Variants in PLCB1 observed in about 807,000 individuals in gnomAD.
PLCB1 encodes 1-phosphatidylinositol 4,5-bisphosphate phosphodiesterase beta-1.
In PLCB1, 46 loss-of-function variants were observed where a neutral mutation model predicts 161.8. The ratio of observed to expected loss-of-function variants is 0.28; its 90% CI spans 0.22 to 0.36. The LOEUF is 0.36. Ranked by LOEUF, PLCB1 falls within the 10% of genes least tolerant of loss-of-function variation. The probability of loss-of-function intolerance (pLI) is 1.00; values close to 1 mark genes in which losing one functional copy is unlikely to be tolerated. For synonymous variants in PLCB1, 517 were observed against 503.7 expected (o/e 1.03, Z -0.35); for missense variants, 1,016 against 1,472.5 (o/e 0.69, Z 5.07).
intron 1 of PLCB1, among the ~76,000 whole-genome samples, chr20:8,135,105 C>A (rs1450968552): frequency 2.0e-5 from 3 of 152,110 alleles, no homozygotes; most frequent in African/African-American, 7.2e-5. Flanking sequence ...TTATATTGTA[C>A]CTTAGTGAGA....
chr20:8,457,009 C>A (rs1461120144), intron 3 of PLCB1, among the ~76,000 whole-genome samples: 1 of 152,332 alleles, frequency 6.6e-6, no homozygotes, highest in African/African-American at 2.4e-5. Flanking sequence ...CTGCAAATTT[C>A]TTCATGTCAG....
At chr20:8,498,946 C>T (rs1183024124) in intron 3 of PLCB1, among the ~76,000 whole-genome samples, 2 of 152,122 alleles carry the variant, frequency 1.3e-5, no homozygotes, top group Admixed American at 6.5e-5. Context: ...GTAAAGCAGA[C>T]GTTCTGGCCT....
intron 2 of PLCB1, among the ~76,000 whole-genome samples, chr20:8,358,226 G>T (rs1317273226): frequency 6.7e-6 from 1 of 148,896 alleles, no homozygotes; most frequent in Non-Finnish European, 1.5e-5. Context: ...TACCGTGGTG[G>T]CATGGCCCAT....
intron 25 of PLCB1, among the ~76,000 whole-genome samples, chr20:8,763,240 C>T (rs1307541946): frequency 6.6e-6 from 1 of 152,176 alleles, no homozygotes; most frequent in Non-Finnish European, 1.5e-5. Context: ...CTCACCCTGT[C>T]GCCCAGGCTG....
chr20:8,194,404 T>C (rs6055626), intron 2 of PLCB1, among the ~76,000 whole-genome samples: 4,119 of 152,114 alleles, frequency 0.027, 199 homozygotes, highest in African/African-American at 0.092. Context: ...GTGCACCCTG[T>C]CATTTTTCTT....
intron 3 of PLCB1, among the ~76,000 whole-genome samples, chr20:8,480,073 C>T (rs188769078): frequency 2.6e-5 from 4 of 152,272 alleles, no homozygotes; most frequent in African/African-American, 9.6e-5. Context: ...CAGGAGACTT[C>T]TCCATCTCTA....
chr20:8,506,356 T>A (rs1983637759), intron 3 of PLCB1, among the ~76,000 whole-genome samples: 1 of 152,206 alleles, frequency 6.6e-6, no homozygotes, highest in Non-Finnish European at 1.5e-5. Flanking sequence ...GAAGGTTTTA[T>A]AAGCACCTCA....
At position 8,657,232 on chromosome 20, in the gene PLCB1, T is replaced by G; in HGVS notation, c.643T>G (p.Phe215Val). The part of the protein sequence containing the change: ...EDFTPEVYRV[F>V]LNNLCPRPEI... ...TTTCACTCCAGAAGTGTACAGAGTT[T>G]TCCTCAACAACCTTTGCCCTCGACC... Residue 215 changes from phenylalanine to valine, a missense_variant, in exon 8 of 32, where the codon TTC (phenylalanine) becomes GTC (valine). Coordinates refer to ENST00000338037, the MANE Select transcript of PLCB1 (RefSeq NM_015192.4). 6.2e-7 allele frequency: 1 copy of G among 1,611,146 alleles called. No homozygotes were observed. Among genetic ancestry groups the G allele is most frequent in the Non-Finnish European group, 8.5e-7 (1 of 1,177,508 alleles).
intron 3 of PLCB1, among the ~76,000 whole-genome samples, chr20:8,380,888 G>C (rs1987232414): frequency 6.6e-6 from 1 of 152,090 alleles, no homozygotes; most frequent in South Asian, 2.1e-4. Flanking sequence ...TGTTGCTGCA[G>C]ACAGAGACAA....
chr20:8,536,913 AT>A (rs1424065771), intron 3 of PLCB1, among the ~76,000 whole-genome samples: 4 of 152,222 alleles, frequency 2.6e-5, no homozygotes, highest in Non-Finnish European at 4.4e-5. Context: ...AGCAAAGAAC[AT>A]TTGATTTCCA....
chr20:8,132,988 CCT>C lies in PLCB1; in HGVS notation c.99+239_99+240del, dbSNP rs2051308585. 6.6e-6 allele frequency among the ~76,000 whole-genome samples: 1 copy of C among 152,114 alleles called. No individual in the cohort carries two copies. Among genetic ancestry groups the C allele is most frequent in the Admixed American group, 6.5e-5 (1 of 15,274 alleles). On this transcript the variant is annotated intron_variant, in intron 1 of 31. Transcript: ENST00000338037. The surrounding 1 kb of genome is among the most constrained non-coding windows in gnomAD (Gnocchi z 5.2). The stretch of plus-strand genomic sequence containing the variant: ...TCCTTTCTGGGTCTGGCAGGCGCCC[CCT>C]GAGGGTCTTACATCTTTTGGGCCAG...
At chr20:8,166,938 A>G (rs1005402137) in intron 2 of PLCB1, among the ~76,000 whole-genome samples, 2 of 152,186 alleles carry the variant, frequency 1.3e-5, no homozygotes, top group Non-Finnish European at 2.9e-5. Flanking sequence ...TGTTTTTTAC[A>G]TAGTTATGTA....
At chr20:8,842,942 G>T (rs1029687678) in intron 31 of PLCB1, among the ~76,000 whole-genome samples, 11 of 152,096 alleles carry the variant, frequency 7.2e-5, no homozygotes, top group African/African-American at 2.7e-4. Context: ...CAGAAATTGG[G>T]TATAAGACAA....
intron 3 of PLCB1, among the ~76,000 whole-genome samples, chr20:8,423,004 CACAGAGCAA>C (rs1326072647): frequency 2.0e-5 from 3 of 152,280 alleles, no homozygotes; most frequent in East Asian, 1.9e-4. Flanking sequence ...ATAGTTCTGG[CACAGAGCAA>C]ACACTATATA....
chr20:8,671,922 T>G (rs1208460356), intron 9 of PLCB1, among the ~76,000 whole-genome samples: 2 of 152,234 alleles, frequency 1.3e-5, no homozygotes, highest in Admixed American at 1.3e-4. Context: ...TGTACTCAAC[T>G]GAAAATGGTA....
At chr20:8,764,549 G>T (rs575543719) in intron 25 of PLCB1, among the ~76,000 whole-genome samples, 1 of 152,326 alleles carries the variant, frequency 6.6e-6, no homozygotes, top group Non-Finnish European at 1.5e-5. Flanking sequence ...CTCCTGGCTG[G>T]TGGTGAGGGT....
At chr20:8,151,448 G>C (rs1411557936) in intron 2 of PLCB1, among the ~76,000 whole-genome samples, 1 of 152,120 alleles carries the variant, frequency 6.6e-6, no homozygotes, top group African/African-American at 2.4e-5. Context: ...TTTCAGTCTT[G>C]TTGTCCTGGA....
intron 2 of PLCB1, among the ~76,000 whole-genome samples, chr20:8,230,880 TG>T (rs1979991221): frequency 6.6e-6 from 1 of 152,112 alleles, no homozygotes; most frequent in East Asian, 1.9e-4. Context: ...AACTACCCCC[TG>T]CCTACCTCTC....
rs1568551043 is a variant in PLCB1, at chr20:8,662,059, ATTT to A, written c.862+3356_862+3358del. Among the ~76,000 whole-genome samples the A allele has an allele frequency of 1.9e-4, 15 of 78,422 alleles. 1 individual carries two copies. The highest frequency in any genetic ancestry group is 6.6e-4 in the East Asian group (2 of 3,022). The allele number at this position is 78,422 out of a possible 152,430, so 51.4% of individuals were successfully genotyped here. ...ATTATATAATTATATATAATTATAT[ATTT>A]ATTATATTTATTATACAGTTATATA... On this transcript the variant is annotated intron_variant, in intron 9 of 31. Transcript: ENST00000338037.
Sources: allele counts gnomAD v4.1 joint callset (sites outside exome capture counted in the v4.1 genomes callset), GRCh38; gene constraint gnomAD v4.1.1; non-coding constraint Gnocchi (gnomAD v3.1); transcripts MANE v1.5; gene names NCBI Gene and HGNC (gene_info 2026-07-23, HGNC 2026-07-21).